Variants in DTNA observed in about 807,000 individuals in gnomAD.
The protein encoded by DTNA is dystrobrevin alpha.
Under a neutral mutation model 100.7 loss-of-function variants are expected in DTNA, and 43 were observed. The ratio of observed to expected loss-of-function variants is 0.43; its 90% CI spans 0.33 to 0.55. The LOEUF is 0.55. Ranked by LOEUF, DTNA falls within the 20% of genes least tolerant of loss-of-function variation. DTNA has a pLI of 0.04. For missense variants in DTNA, 798 were observed against 953.9 expected (o/e 0.84, Z 2.15); for synonymous variants, 349 against 347.9 (o/e 1.00, Z -0.04).
chr18:34,859,326 TGAAAC>T (rs2096589573), intron 16 of DTNA, among the ~76,000 whole-genome samples: 1 of 152,186 alleles, frequency 6.6e-6, no homozygotes, highest in African/African-American at 2.4e-5. Flanking sequence ...GCAGATTTAT[TGAAAC>T]GAAAGTACAC....
At chr18:34,741,122 G>A (rs2090571747) in intron 1 of DTNA, among the ~76,000 whole-genome samples, 1 of 152,038 alleles carries the variant, frequency 6.6e-6, no homozygotes, top group African/African-American at 2.4e-5. Context: ...TTATATTATA[G>A]TAAGAATAAC....
rs539287792 is a variant in DTNA at position 34,842,860 on chromosome 18, G to T, written c.1346+4023G>T. Among the ~76,000 whole-genome samples, 7 of 152,124 alleles carry T rather than the reference G, an allele frequency of 4.6e-5. 1 individual carries two copies. Among genetic ancestry groups the T allele is most frequent in the South Asian group, 4.1e-4 (2 of 4,834 alleles). ...GGTTAGTTGGTTAGCTGTTTGGCTG[G>T]TTAGCTCATTGGTTGGTTGGTTGGC... On this transcript the variant is annotated intron_variant, in intron 13 of 22. Coordinates refer to ENST00000444659, the MANE Select transcript of DTNA (RefSeq NM_001386795.1).
intron 1 of DTNA, among the ~76,000 whole-genome samples, chr18:34,558,856 G>A (rs1022178369): frequency 6.6e-6 from 1 of 152,200 alleles, no homozygotes; most frequent in African/African-American, 2.4e-5. Context: ...CTGGAGCTTA[G>A]GGAAGGAGGA....
At chr18:34,696,703 G>C (rs2080609002) in intron 1 of DTNA, among the ~76,000 whole-genome samples, 1 of 152,108 alleles carries the variant, frequency 6.6e-6, no homozygotes, top group African/African-American at 2.4e-5. Context: ...ATTTGAAGAA[G>C]TACAGCTGTA....
chr18:34,783,438 C>T (rs906864788), intron 3 of DTNA, among the ~76,000 whole-genome samples: 4 of 152,128 alleles, frequency 2.6e-5, no homozygotes, highest in Admixed American at 2.0e-4. Context: ...ATCATCTTAA[C>T]CAGGAAATTA....
intron 1 of DTNA, among the ~76,000 whole-genome samples, chr18:34,748,839 G>A (rs2091976750): frequency 6.6e-6 from 1 of 151,936 alleles, no homozygotes; most frequent in Non-Finnish European, 1.5e-5. Flanking sequence ...GTTATGCAAA[G>A]AACAATGATG....
At chr18:34,587,835 A>G (rs9961610) in intron 1 of DTNA, among the ~76,000 whole-genome samples, 15,652 of 152,082 alleles carry the variant, frequency 0.1, 1,172 homozygotes, top group African/African-American at 0.21. Flanking sequence ...AGGATGACCA[A>G]CTCTGGTTTG....
chr18:34,852,731 C>A (rs2096496332), intron 15 of DTNA, among the ~76,000 whole-genome samples: 1 of 152,164 alleles, frequency 6.6e-6, no homozygotes, highest in African/African-American at 2.4e-5. Flanking sequence ...GTCATTCCCT[C>A]AGCCTAGAAA....
intron 1 of DTNA, among the ~76,000 whole-genome samples, chr18:34,631,301 G>A (rs1223763820): frequency 6.6e-6 from 1 of 152,110 alleles, no homozygotes; most frequent in African/African-American, 2.4e-5. Flanking sequence ...GCCTAAAATG[G>A]TTAATGGATC....
intron 1 of DTNA, among the ~76,000 whole-genome samples, chr18:34,643,297 A>G (rs1440947647): frequency 6.6e-6 from 1 of 152,218 alleles, no homozygotes; most frequent in Non-Finnish European, 1.5e-5. Flanking sequence ...TAATAAAAGA[A>G]GAATGCATGA....
intron 1 of DTNA, among the ~76,000 whole-genome samples, chr18:34,719,308 C>T (rs1456698358): frequency 6.6e-6 from 1 of 152,068 alleles, no homozygotes; most frequent in Non-Finnish European, 1.5e-5. Flanking sequence ...CGCACCACTG[C>T]ATTCTAGCCT....
rs73418643 is a variant in DTNA at position 34,844,850 on chromosome 18, C to T, written c.1347-3446C>T. 4.3e-3 allele frequency among the ~76,000 whole-genome samples: 659 copies of T among 152,154 alleles called. 4 individuals carry two copies. Among genetic ancestry groups the T allele is most frequent in the African/African-American group, 0.014 (597 of 41,518 alleles). ...TTTGCTAAATCACACTTTCATAAGCCCTAGCTCAGCTGGGGCCACTTGAGT... is the reference window on the plus strand; with the variant it reads ...TTTGCTAAATCACACTTTCATAAGCTCTAGCTCAGCTGGGGCCACTTGAGT... On this transcript the variant is annotated intron_variant, in intron 13 of 22. Coordinates refer to ENST00000444659, the MANE Select transcript of DTNA (RefSeq NM_001386795.1).
chr18:34,833,706 C>T (rs961897117), intron 11 of DTNA, among the ~76,000 whole-genome samples: 102 of 151,918 alleles, frequency 6.7e-4, no homozygotes, highest in Admixed American at 6.6e-5. Flanking sequence ...AAAAAGATGG[C>T]GATAAGAAAA....
intron 1 of DTNA, among the ~76,000 whole-genome samples, chr18:34,535,299 G>A (rs1357807205): frequency 6.6e-6 from 1 of 152,068 alleles, no homozygotes; most frequent in Non-Finnish European, 1.5e-5. Context: ...CTTTTGCAAA[G>A]TGTCTGTTCA....
intron 1 of DTNA, among the ~76,000 whole-genome samples, chr18:34,624,566 C>T (rs1015783387): frequency 1.3e-5 from 2 of 152,174 alleles, no homozygotes; most frequent in African/African-American, 4.8e-5. Flanking sequence ...TCAATGTTAA[C>T]TGTGGAAATG....
chr18:34,591,176 G>A (rs1178238485), intron 1 of DTNA, among the ~76,000 whole-genome samples: 19 of 150,776 alleles, frequency 1.3e-4, no homozygotes, highest in Non-Finnish European at 2.5e-4. Context: ...ACAAATATTT[G>A]CCACGTTAAT....
intron 8 of DTNA, among the ~76,000 whole-genome samples, chr18:34,819,689 A>G (rs1380195456): frequency 6.6e-6 from 1 of 152,174 alleles, no homozygotes; most frequent in Non-Finnish European, 1.5e-5. Context: ...AAGAAGGATC[A>G]GACTCCTTGA....
chr18:34,717,615 C>T (rs1404254214), intron 1 of DTNA, among the ~76,000 whole-genome samples: 1 of 152,062 alleles, frequency 6.6e-6, no homozygotes. Flanking sequence ...GTGTTGGACA[C>T]TGACATTGAA....
intron 1 of DTNA, among the ~76,000 whole-genome samples, chr18:34,536,722 A>T (rs560773323): frequency 6.6e-6 from 1 of 152,114 alleles, no homozygotes; most frequent in African/African-American, 2.4e-5. Context: ...TTTCTTTTTA[A>T]GTTGCACATG....
Sources: gnomAD v4.1 joint callset for allele counts (sites outside exome capture counted in the v4.1 genomes callset) on GRCh38, gnomAD v4.1.1 for gene constraint, MANE v1.5 for transcripts, NCBI Gene and HGNC (gene_info 2026-07-23, HGNC 2026-07-21) for gene names.